MYO16: variants seen among roughly 807,000 people sequenced by gnomAD.
The protein encoded by MYO16 is unconventional myosin-XVI.
In MYO16, 94 loss-of-function variants were observed where a neutral mutation model predicts 205.3. That is an observed-to-expected ratio of 0.46 (90% confidence interval 0.39 to 0.54). The LOEUF (loss-of-function observed/expected upper bound fraction) is 0.54, where lower values mean the gene tolerates loss of function less well. MYO16 is among the 20% of genes least tolerant of loss of function. MYO16 has a pLI of 0.00. For missense variants in MYO16, 2,315 were observed against 2,387.5 expected (o/e 0.97, Z 0.63); for synonymous variants, 988 against 954.0 (o/e 1.04, Z -0.66).
At chr13:108,835,009 T>C (rs1226440788) in intron 9 of MYO16, among the ~76,000 whole-genome samples, 1 of 152,186 alleles carries the variant, frequency 6.6e-6, no homozygotes, top group African/African-American at 2.4e-5. Flanking sequence ...AGCCTAGCTG[T>C]ACAATTTGCA....
chr13:108,533,828 T>TC, the MYO16 span, among the ~76,000 whole-genome samples: 25 of 152,236 alleles, frequency 1.6e-4, no homozygotes, highest in Non-Finnish European at 2.8e-4. Flanking sequence ...ATGCAGATGT[T>TC]CTTTTTTAGT....
chr13:108,993,629 A>T lies in MYO16; in HGVS notation c.2442+1181A>T, dbSNP rs1180747212. Among the ~76,000 whole-genome samples the T allele has an allele frequency of 2.6e-5, 4 of 152,142 alleles. No homozygotes were observed. In the East Asian group the frequency reaches 7.7e-4, roughly 29 times the overall value. On this transcript the variant is annotated intron_variant, in intron 21 of 34. Transcript: ENST00000457511. Reference sequence around the variant, plus strand: ...TGAACTAGAACTATAGAGGCAATAGATCTCTTCTCCTTTCATAGTTTTCTG... The same window carrying T: ...TGAACTAGAACTATAGAGGCAATAGTTCTCTTCTCCTTTCATAGTTTTCTG...
chr13:108,973,381 T>C (rs1442177419), intron 20 of MYO16, among the ~76,000 whole-genome samples: 1 of 152,190 alleles, frequency 6.6e-6, no homozygotes, highest in Non-Finnish European at 1.5e-5. Flanking sequence ...TTAAGGTTAT[T>C]ATTTGTTTAA....
At chr13:108,907,380 T>A (rs564470066) in intron 15 of MYO16, among the ~76,000 whole-genome samples, 29 of 152,320 alleles carry the variant, frequency 1.9e-4, no homozygotes, top group African/African-American at 7.0e-4. Flanking sequence ...ATTTCTGACA[T>A]AAAAGAGCTT....
intron 16 of MYO16, among the ~76,000 whole-genome samples, chr13:108,939,307 T>C (rs1882622662): frequency 6.6e-6 from 1 of 152,118 alleles, no homozygotes; most frequent in Non-Finnish European, 1.5e-5. Flanking sequence ...AAAAACAAAG[T>C]GCTCTCCCTC....
At chr13:109,182,064 C>T (rs934660957) in intron 34 of MYO16, among the ~76,000 whole-genome samples, 10 of 152,168 alleles carry the variant, frequency 6.6e-5, no homozygotes, top group East Asian at 1.9e-4. Flanking sequence ...GTGATCCGTC[C>T]GCCTCGGCCT....
intron 4 of MYO16, among the ~76,000 whole-genome samples, chr13:108,737,673 C>T (rs921102892): frequency 4.6e-5 from 7 of 152,174 alleles, no homozygotes; most frequent in African/African-American, 1.2e-4. Context: ...GGAGGATTCC[C>T]TCTTTTTCTA....
chr13:108,604,453 A>G (rs1454526590), intron 1 of MYO16, among the ~76,000 whole-genome samples: 1 of 152,230 alleles, frequency 6.6e-6, no homozygotes, highest in African/African-American at 2.4e-5. Flanking sequence ...AGAGAAGTAT[A>G]GATGAAAATC....
intron 1 of MYO16, among the ~76,000 whole-genome samples, chr13:108,656,158 C>T (rs772270207): frequency 3.9e-5 from 6 of 152,100 alleles, no homozygotes; most frequent in Non-Finnish European, 7.4e-5. Context: ...TTGAATTATT[C>T]TCCCATAACT....
chr13:108,627,328 C>T (rs1408860114), upstream of MYO16, among the ~76,000 whole-genome samples: 1 of 152,132 alleles, frequency 6.6e-6, no homozygotes, highest in Non-Finnish European at 1.5e-5. Context: ...ATAGAAAGCA[C>T]ATTCTAAGTA....
At chr13:108,844,052 TAAGTTG>T (rs1430955815) in intron 9 of MYO16, among the ~76,000 whole-genome samples, 1 of 152,176 alleles carries the variant, frequency 6.6e-6, no homozygotes, top group Non-Finnish European at 1.5e-5. Flanking sequence ...TCCCAGCTCT[TAAGTTG>T]TTTATTGATT....
intron 29 of MYO16, among the ~76,000 whole-genome samples, chr13:109,123,579 G>T (rs1356693313): frequency 2.0e-5 from 3 of 152,098 alleles, no homozygotes; most frequent in Non-Finnish European, 2.9e-5. Context: ...CTGGAAGTCT[G>T]ACTGTGCCTC....
intron 34 of MYO16, among the ~76,000 whole-genome samples, chr13:109,203,604 C>A (rs988880586): frequency 1.3e-5 from 2 of 152,106 alleles, no homozygotes; most frequent in African/African-American, 4.8e-5. Context: ...CCTTTCATTG[C>A]GAGGTCTTTG....
chr13:108,781,538 T>C (rs1426122474), intron 4 of MYO16, among the ~76,000 whole-genome samples: 3 of 152,184 alleles, frequency 2.0e-5, no homozygotes, highest in Non-Finnish European at 2.9e-5. Context: ...TCGGGGTCAG[T>C]AGCTTAACTC....
intron 12 of MYO16, among the ~76,000 whole-genome samples, chr13:108,868,318 A>G (rs1386230290): frequency 2.0e-5 from 3 of 152,122 alleles, no homozygotes; most frequent in Non-Finnish European, 4.4e-5. Flanking sequence ...TTTACTTATC[A>G]TTCTACTGGG....
intron 23 of MYO16, among the ~76,000 whole-genome samples, chr13:109,041,861 CTT>C (rs3042905): frequency 0.72 from 103,748 of 143,994 alleles, 37,811 homozygotes; most frequent in East Asian, 0.92. Flanking sequence ...TTCAAATTGC[CTT>C]TTTTTTTTTT....
At chr13:108,498,057 G>T in the MYO16 span, among the ~76,000 whole-genome samples, 1 of 152,176 alleles carries the variant, frequency 6.6e-6, no homozygotes, top group African/African-American at 2.4e-5. Flanking sequence ...GATCTTAAAT[G>T]TGTTAAAACA....
At chr13:108,584,410 T>C in the MYO16 span, among the ~76,000 whole-genome samples, 1 of 152,252 alleles carries the variant, frequency 6.6e-6, no homozygotes, top group Non-Finnish European at 1.5e-5. Context: ...GATACATGCA[T>C]GCAATGTGTA....
rs533639875 is a variant in MYO16 at position 108,705,417 on chromosome 13, A to G, written c.293-7244A>G. 5.3e-5 allele frequency among the ~76,000 whole-genome samples: 8 copies of G among 152,324 alleles called. No homozygotes were observed. The South Asian group carries it at 1.5e-3, about 28-fold the overall frequency. ...CATCTTGTCACACAGGCATTTTATT[A>G]TCTCTCATCATCACAAGAAGAATAA... On this transcript the variant is annotated intron_variant, in intron 2 of 34. Coordinates refer to ENST00000457511, the MANE Select transcript of MYO16 (RefSeq NM_001198950.3).
Sources: allele counts gnomAD v4.1 joint callset (sites outside exome capture counted in the v4.1 genomes callset), GRCh38; gene constraint gnomAD v4.1.1; transcripts MANE v1.5; gene names NCBI Gene and HGNC (gene_info 2026-07-23, HGNC 2026-07-21).